Variants in MIA2 observed in about 807,000 individuals in gnomAD.
The protein encoded by MIA2 is melanoma inhibitory activity protein 2.
Under a neutral mutation model 167.8 loss-of-function variants are expected in MIA2, and 127 were observed. That is an observed-to-expected ratio of 0.76 (90% CI 0.66 to 0.88). The LOEUF is 0.88. Among genes scored for constraint, MIA2 ranks in the 40% least tolerant of loss-of-function variants. The pLI is 0.00. For missense variants in MIA2, 1,690 were observed against 1,624.7 expected (o/e 1.04, Z -0.69); for synonymous variants, 552 against 541.9 (o/e 1.02, Z -0.26).
intron 17 of MIA2, among the ~76,000 whole-genome samples, chr14:39,306,189 G>C (rs2063316034): frequency 6.6e-6 from 1 of 151,986 alleles, no homozygotes; most frequent in Admixed American, 6.6e-5. Context: ...TTAATGTTTA[G>C]GTATTTATGT....
chr14:39,270,069 C>T (rs549635424), intron 6 of MIA2, among the ~76,000 whole-genome samples: 1 of 152,258 alleles, frequency 6.6e-6, no homozygotes, highest in East Asian at 1.9e-4. Flanking sequence ...CACCATTTTA[C>T]ATCCCCACCA....
At position 39,295,048 on chromosome 14, in the gene MIA2, CT is replaced by C. The variant is rs748984782; in HGVS notation, c.2496+20del. 5.4e-6 allele frequency: 8 copies of C among 1,481,504 alleles called. No individual in the cohort carries two copies. In the South Asian group the frequency reaches 9.1e-5, roughly 17 times the overall value. 91.8% of individuals were successfully genotyped at this position (1,481,504 alleles called of 1,614,324 possible). A position where few individuals can be genotyped will look rare whatever the true frequency, so the allele number is the denominator to read the frequency against. On this transcript the variant is annotated intron_variant, in intron 13 of 28. Transcript: ENST00000640607. ...GAAACAGGTTTGTGCTCCGTAGGGACTCTTCAACTTGTGAATATGTAATTAT... is the reference window on the plus strand; with the variant it reads ...GAAACAGGTTTGTGCTCCGTAGGGACCTTCAACTTGTGAATATGTAATTAT...
chr14:39,376,474 CAGT>C (rs1387960290), intron 23 of MIA2, among the ~76,000 whole-genome samples: 2 of 151,966 alleles, frequency 1.3e-5, no homozygotes, highest in African/African-American at 2.4e-5. Flanking sequence ...TGTTTAATAT[CAGT>C]AGGTTTAATA....
At chr14:39,330,274 C>G (rs1308227794) in intron 25 of MIA2, among the ~76,000 whole-genome samples, 1 of 152,128 alleles carries the variant, frequency 6.6e-6, no homozygotes, top group African/African-American at 2.4e-5. Flanking sequence ...TTATAGTATT[C>G]TCTGATGGTA....
At chr14:39,331,438 G>T (rs1389314756) in intron 25 of MIA2, among the ~76,000 whole-genome samples, 1 of 152,118 alleles carries the variant, frequency 6.6e-6, no homozygotes, top group Non-Finnish European at 1.5e-5. Flanking sequence ...TTTAATTGGG[G>T]CATTTAGCCC....
chr14:39,304,498 CTT>C, intron 17 of MIA2, 117 bp downstream of exon 17: 1 of 537,956 alleles, frequency 1.9e-6, no homozygotes, highest in African/African-American at 2.0e-5. Context: ...TTTTTTTTAA[CTT>C]TTGTTCCTGT....
chr14:39,360,690 T>A (rs909102493), intron 23 of MIA2, among the ~76,000 whole-genome samples: 10 of 152,228 alleles, frequency 6.6e-5, no homozygotes, highest in African/African-American at 2.4e-4. Context: ...TTTTTGTTTT[T>A]GTTACCTGTG....
chr14:39,357,669 A>G (rs964274019), intron 23 of MIA2, among the ~76,000 whole-genome samples: 3 of 152,282 alleles, frequency 2.0e-5, no homozygotes, highest in African/African-American at 7.2e-5. Context: ...ACAATTTGGC[A>G]TGTTTTTGCA....
chr14:39,339,643 A>G (rs1406906579), intron 25 of MIA2, among the ~76,000 whole-genome samples: 1 of 152,134 alleles, frequency 6.6e-6, no homozygotes, highest in Non-Finnish European at 1.5e-5. Flanking sequence ...AATGAATGTA[A>G]TACTGAAACA....
At chr14:39,349,865 T>G (rs767017807) in intron 28 of MIA2, among the ~76,000 whole-genome samples, 3 of 152,156 alleles carry the variant, frequency 2.0e-5, no homozygotes, top group African/African-American at 7.2e-5. Context: ...AAAAAACAGG[T>G]GTTAAGATAG....
chr14:39,265,634 G>GT (rs542738434), intron 6 of MIA2: 7,341 of 365,252 alleles, frequency 0.02, 4 homozygotes, highest in Middle Eastern at 0.03. Context: ...GCAAAGGGAG[G>GT]TTTTTTTTTT....
At chr14:39,236,616 T>C (rs1007282478) in intron 1 of MIA2, among the ~76,000 whole-genome samples, 1 of 152,188 alleles carries the variant, frequency 6.6e-6, no homozygotes, top group African/African-American at 2.4e-5. Context: ...AGAATGATAA[T>C]GATATGTTCT....
chr14:39,374,158 C>G (rs913950449), intron 23 of MIA2, among the ~76,000 whole-genome samples: 1 of 152,142 alleles, frequency 6.6e-6, no homozygotes, highest in African/African-American at 2.4e-5. Flanking sequence ...AGAGTGAAGA[C>G]TGGAAGAGCA....
chr14:39,293,210 G>A (rs1199193259), intron 10 of MIA2, 61 bp from the exon 11 acceptor site: 7 of 1,117,580 alleles, frequency 6.3e-6, no homozygotes, highest in South Asian at 4.1e-5. Context: ...TATTATGCTC[G>A]TCTGATTTCC....
chr14:39,385,344 A>T lies in MIA2; in HGVS notation c.2249-1541A>T, dbSNP rs1052292487. On this transcript the variant is annotated intron_variant, in intron 23 of 23. Transcript: ENST00000341502. The stretch of plus-strand genomic sequence containing the variant: ...CTCTTTAAAAAAAAAAGTTCAGGTT[A>T]TACTCACTTGCACAAACAAGACATT... 8.3e-5 allele frequency: 71 copies of T among 856,098 alleles called. 1 individual carries two copies. The highest frequency in any genetic ancestry group is 7.1e-4 in the Middle Eastern group (2 of 2,816). 53.0% of individuals were successfully genotyped at this position (856,098 alleles called of 1,614,324 possible).
Position 39,265,421 on chromosome 14 carries a change from G to C in MIA2, c.1888-11513G>C, listed in dbSNP as rs745506807. 2.5e-6 allele frequency: 4 copies of C among 1,610,462 alleles called. No individual in the cohort carries two copies. In the Admixed American group the frequency reaches 6.7e-5, roughly 27 times the overall value. The stretch of plus-strand genomic sequence containing the variant: ...TGGAATTGAAAAGTCCAGAGGAAGA[G>C]GTGAGTTTATAACTATTAAGCATAC... On this transcript the variant is annotated intron_variant, in intron 6 of 28. Transcript: ENST00000640607.
intron 23 of MIA2, among the ~76,000 whole-genome samples, chr14:39,382,159 A>C (rs903622095): frequency 2.0e-5 from 3 of 152,224 alleles, no homozygotes; most frequent in Non-Finnish European, 4.4e-5. Flanking sequence ...TTCTTGTTGG[A>C]AGCGAGTAAA....
intron 4 of MIA2, among the ~76,000 whole-genome samples, chr14:39,248,752 T>C (rs1166919303): frequency 1.3e-5 from 2 of 152,144 alleles, no homozygotes; most frequent in African/African-American, 4.8e-5. Context: ...AACTTTTTTT[T>C]TTTTCCAGAC....
intron 4 of MIA2, among the ~76,000 whole-genome samples, chr14:39,251,594 T>C (rs1262018353): frequency 2.0e-5 from 3 of 152,140 alleles, no homozygotes; most frequent in Non-Finnish European, 4.4e-5. Context: ...CTTTTTTTCT[T>C]ATAGCATAAA....
Sources: gnomAD v4.1 joint callset for allele counts (sites outside exome capture counted in the v4.1 genomes callset) on GRCh38, gnomAD v4.1.1 for gene constraint, MANE v1.5 for transcripts, NCBI Gene and HGNC (gene_info 2026-07-23, HGNC 2026-07-21) for gene names.